Variants in CYTH3 observed in about 807,000 individuals in gnomAD.
CYTH3 encodes cytohesin 3.
Under a neutral mutation model 55.1 loss-of-function variants are expected in CYTH3, and 23 were observed. The ratio of observed to expected loss-of-function variants is 0.42; its 90% confidence interval spans 0.30 to 0.59. The LOEUF (loss-of-function observed/expected upper bound fraction) is 0.59, where lower values mean the gene tolerates loss of function less well. Among genes scored for constraint, CYTH3 ranks in the 20% least tolerant of loss-of-function variants. CYTH3 has a pLI of 0.20. For synonymous variants in CYTH3, 249 were observed against 194.9 expected, an observed-to-expected ratio of 1.28 and a Z score of -2.31; for missense variants, 413 against 524.8, an observed-to-expected ratio of 0.79 and a Z score of 2.08.
intron 6 of CYTH3, chr7:6,172,721 CCA>C (rs1228288319): frequency 1.1e-5 from 13 of 1,161,414 alleles, no homozygotes; most frequent in Non-Finnish European, 2.2e-6. Flanking sequence ...GACACCCCTC[CCA>C]GACTCACCAG....
chr7:6,178,031 C>T (rs1456640069), intron 4 of CYTH3, 90 bp from the exon 5 acceptor site: 2 of 947,010 alleles, frequency 2.1e-6, no homozygotes, highest in Non-Finnish European at 3.3e-6. Flanking sequence ...CAGGATTTTA[C>T]TGGTATGGAC....
chr7:6,185,637 T>G (rs1266555386), intron 4 of CYTH3, among the ~76,000 whole-genome samples: 1 of 150,776 alleles, frequency 6.6e-6, no homozygotes, highest in African/African-American at 2.5e-5. Context: ...GAGGTGGAGC[T>G]TGCGGTGGGC....
At chr7:6,239,514 T>A (rs577299711) in intron 1 of CYTH3, among the ~76,000 whole-genome samples, 21 of 152,150 alleles carry the variant, frequency 1.4e-4, no homozygotes, top group Non-Finnish European at 7.3e-5. Flanking sequence ...ACAGAATGCA[T>A]TGGCCAATGC....
At chr7:6,230,510 A>C (rs892986594) in intron 1 of CYTH3, among the ~76,000 whole-genome samples, 2 of 152,246 alleles carry the variant, frequency 1.3e-5, no homozygotes, top group Non-Finnish European at 2.9e-5. Context: ...CAGACTTAAA[A>C]TTCTGTGTCT....
Position 6,167,886 on chromosome 7 carries a change from G to C in CYTH3, c.824-2076C>G, listed in dbSNP as rs1196064593. Among the ~76,000 whole-genome samples, 1 of 152,204 alleles carries C rather than the reference G, an allele frequency of 6.6e-6. No homozygotes were observed. Among genetic ancestry groups the C allele is most frequent in the Non-Finnish European group, 1.5e-5 (1 of 68,030 alleles). On this transcript the variant is annotated intron_variant, in intron 9 of 12. Transcript: ENST00000350796. This position sits in a 1 kb window ranked among gnomAD's most constrained non-coding sequence, Gnocchi z 5.5. ...CCAGGTGGCCTCTCAGCTCCACCTT[G>C]GGTCCCCCGCTCACACCTCCCATGC...
In CYTH3 at chr7:6,203,723, CT is replaced by C. The variant is rs1214111836; in HGVS notation, c.35-13193del. On this transcript the variant is annotated intron_variant, in intron 1 of 12. Coordinates refer to ENST00000350796, the MANE Select transcript of CYTH3 (RefSeq NM_004227.4). Reference sequence around the variant, plus strand: ...CCAACTTACTGTACTCATATTCCACCTTTTTTTTTTTTGGAGACAGAGTCTC... The same window carrying C: ...CCAACTTACTGTACTCATATTCCACCTTTTTTTTTTTGGAGACAGAGTCTC... Among the ~76,000 whole-genome samples the C allele has an allele frequency of 2.6e-3, 382 of 145,072 alleles. 2 individuals are homozygous for C. Among genetic ancestry groups the C allele is most frequent in the Middle Eastern group, 7.2e-3 (2 of 276 alleles).
chr7:6,231,083 A>T (rs1281056889), intron 1 of CYTH3, among the ~76,000 whole-genome samples: 1 of 152,092 alleles, frequency 6.6e-6, no homozygotes, highest in East Asian at 1.9e-4. Flanking sequence ...GTACTAACCC[A>T]CGCCTTAGAC....
At chr7:6,236,287 T>C (rs1779520962) in intron 1 of CYTH3, among the ~76,000 whole-genome samples, 1 of 151,876 alleles carries the variant, frequency 6.6e-6, no homozygotes, top group South Asian at 2.1e-4. Flanking sequence ...CACTGCAGCT[T>C]TGACCTTCTG....
Position 6,164,638 on chromosome 7 carries a change from C to T in CYTH3, c.*306G>A, listed in dbSNP as rs541265984. ...CTCCCCCTAGGGGCGCCGGGATGGTCGCAGGAAGGAAATGCTTCTGGACAT... is the reference window on the plus strand; with the variant it reads ...CTCCCCCTAGGGGCGCCGGGATGGTTGCAGGAAGGAAATGCTTCTGGACAT... On this transcript the variant is annotated 3_prime_UTR_variant, in exon 13 of 13. Transcript: ENST00000350796. 2.0e-4 allele frequency: 86 copies of T among 422,696 alleles called. No individual in the cohort carries two copies. The highest frequency in any genetic ancestry group is 1.4e-3 in the African/African-American group (69 of 49,734). 26.2% of individuals were successfully genotyped at this position (422,696 alleles called of 1,614,324 possible). A position where few individuals can be genotyped will look rare whatever the true frequency, so the allele number is the denominator to read the frequency against.
chr7:6,240,432 A>AG (rs1374882407), intron 1 of CYTH3, among the ~76,000 whole-genome samples: 1 of 152,038 alleles, frequency 6.6e-6, no homozygotes, highest in Non-Finnish European at 1.5e-5. Flanking sequence ...TGAGGTGGGG[A>AG]GGGGAGGAGA....
Position 6,170,527 on chromosome 7 carries a change from C to G in CYTH3, c.823+8G>C. 1 of 1,612,730 alleles carries G rather than the reference C, an allele frequency of 6.2e-7. No individual in the cohort carries two copies. Among genetic ancestry groups the G allele is most frequent in the Non-Finnish European group, 8.5e-7 (1 of 1,179,168 alleles). On this transcript the variant is annotated splice_region_variant and intron_variant, in intron 9 of 12. Coordinates refer to ENST00000350796, the MANE Select transcript of CYTH3 (RefSeq NM_004227.4). This position sits in a 1 kb window ranked among gnomAD's most constrained non-coding sequence, Gnocchi z 7.8. Reference sequence around the variant, plus strand: ...TCACGCCCGGGTCCCGCTGGGCCGGCGGCTCACCCAGCTTCAGGAGCCAGC... The same window carrying G: ...TCACGCCCGGGTCCCGCTGGGCCGGGGGCTCACCCAGCTTCAGGAGCCAGC...
At chr7:6,258,344 C>T (rs1310144729) in intron 1 of CYTH3, among the ~76,000 whole-genome samples, 2 of 151,646 alleles carry the variant, frequency 1.3e-5, no homozygotes, top group African/African-American at 2.4e-5. Context: ...AGAAACGCAA[C>T]TCCTCATATA....
intron 1 of CYTH3, among the ~76,000 whole-genome samples, chr7:6,192,154 G>A (rs1186809386): frequency 1.3e-5 from 2 of 152,196 alleles, no homozygotes; most frequent in South Asian, 2.1e-4. Flanking sequence ...ACAGAGTGAA[G>A]AAGAGCTGAG....
At chr7:6,258,981 A>T (rs1780206222) in intron 1 of CYTH3, among the ~76,000 whole-genome samples, 1 of 152,234 alleles carries the variant, frequency 6.6e-6, no homozygotes, top group African/African-American at 2.4e-5. Context: ...CATAGCAACC[A>T]AATAGGTCAA....
At chr7:6,238,528 A>G (rs1426958537) in intron 1 of CYTH3, among the ~76,000 whole-genome samples, 1 of 152,228 alleles carries the variant, frequency 6.6e-6, no homozygotes. Context: ...CTATACAAAC[A>G]GGCAGGCATA....
chr7:6,241,687 A>G (rs1456415600), intron 1 of CYTH3, among the ~76,000 whole-genome samples: 1 of 152,236 alleles, frequency 6.6e-6, no homozygotes, highest in Non-Finnish European at 1.5e-5. Context: ...CCGATCCATT[A>G]GCACAATGGA....
chr7:6,236,836 T>C (rs1435494037), intron 1 of CYTH3, among the ~76,000 whole-genome samples: 1 of 152,246 alleles, frequency 6.6e-6, no homozygotes, highest in Non-Finnish European at 1.5e-5. Flanking sequence ...GTGCTGCGAT[T>C]ACAGGCGTGA....
At chr7:6,186,046 C>A (rs1031285114) in intron 4 of CYTH3, among the ~76,000 whole-genome samples, 1 of 151,788 alleles carries the variant, frequency 6.6e-6, no homozygotes, top group African/African-American at 2.4e-5. Flanking sequence ...AGATCAAGAC[C>A]ATCCTGGCTA....
chr7:6,244,759 G>C lies in CYTH3; in HGVS notation c.34+27715C>G, dbSNP rs1303088566. On this transcript the variant is annotated intron_variant, in intron 1 of 12. Transcript: ENST00000350796. ...TTCTTAAATGTTTTCAGTCATCCTGGAGGAAAGACTGGATTATCTTTAGTC... is the reference window on the plus strand; with the variant it reads ...TTCTTAAATGTTTTCAGTCATCCTGCAGGAAAGACTGGATTATCTTTAGTC... 2.0e-5 allele frequency among the ~76,000 whole-genome samples: 3 copies of C among 151,970 alleles called. No individual in the cohort carries two copies. The East Asian group carries it at 5.8e-4, about 29-fold the overall frequency.
Sources: gnomAD v4.1 joint callset for allele counts (sites outside exome capture counted in the v4.1 genomes callset) on GRCh38, gnomAD v4.1.1 for gene constraint, Gnocchi (gnomAD v3.1) non-coding constraint, MANE v1.5 for transcripts, NCBI Gene and HGNC (gene_info 2026-07-23, HGNC 2026-07-21) for gene names.